C8orf34: variants seen among roughly 807,000 people sequenced by gnomAD.
C8orf34 encodes uncharacterized protein C8orf34.
Under a neutral mutation model 68.3 loss-of-function variants are expected in C8orf34, and 65 were observed. The ratio of observed to expected loss-of-function variants is 0.95; its 90% CI spans 0.78 to 1.17. The LOEUF (loss-of-function observed/expected upper bound fraction) is 1.17, where lower values mean the gene tolerates loss of function less well. Among genes scored for constraint, C8orf34 ranks in the 50% most tolerant of loss-of-function variants. C8orf34 has a pLI of 0.00. For synonymous variants in C8orf34, 244 were observed against 241.2 expected, an observed-to-expected ratio of 1.01 and a Z score of -0.11; for missense variants, 664 against 655.4, an observed-to-expected ratio of 1.01 and a Z score of -0.14.
At chr8:68,772,868 TTTCCTTCC>T (rs370121635) in intron 10 of C8orf34, among the ~76,000 whole-genome samples, 18 of 150,388 alleles carry the variant, frequency 1.2e-4, no homozygotes, top group Non-Finnish European at 2.2e-4. Context: ...TCCTTCCTTC[TTTCCTTCC>T]TTCCTTCCTT....
intron 10 of C8orf34, among the ~76,000 whole-genome samples, chr8:68,764,239 C>T (rs1823105585): frequency 6.6e-6 from 1 of 152,146 alleles, no homozygotes; most frequent in Non-Finnish European, 1.5e-5. Flanking sequence ...CTTTTTTCTG[C>T]CAAATTCTGG....
intron 1 of C8orf34, among the ~76,000 whole-genome samples, chr8:68,379,426 A>C (rs984344551): frequency 1.3e-5 from 2 of 152,230 alleles, no homozygotes; most frequent in African/African-American, 4.8e-5. Context: ...CTACAGGTAC[A>C]TTAACCAAGC....
chr8:68,678,000 C>G (rs1186223080), intron 8 of C8orf34, among the ~76,000 whole-genome samples: 1 of 152,062 alleles, frequency 6.6e-6, no homozygotes, highest in Non-Finnish European at 1.5e-5. Context: ...GGATAAACTC[C>G]TAGACACATA....
intron 7 of C8orf34, among the ~76,000 whole-genome samples, chr8:68,607,968 G>A (rs1397601906): frequency 2.6e-5 from 4 of 152,208 alleles, no homozygotes; most frequent in East Asian, 1.9e-4. Context: ...AGAGAGGCCA[G>A]TGAAGTTCCT....
intron 7 of C8orf34, among the ~76,000 whole-genome samples, chr8:68,636,468 C>G (rs140849725): frequency 1.5e-3 from 224 of 151,892 alleles, no homozygotes; most frequent in African/African-American, 5.2e-3. Flanking sequence ...GCTTGTAATC[C>G]CAGCTACTTA....
At chr8:68,492,019 A>C (rs1241547614) in intron 5 of C8orf34, among the ~76,000 whole-genome samples, 1 of 152,072 alleles carries the variant, frequency 6.6e-6, no homozygotes, top group African/African-American at 2.4e-5. Flanking sequence ...TTCTTTCCTC[A>C]TCTTCTCCTG....
Position 68,434,102 on chromosome 8 carries a change from G to T in C8orf34, c.328-5397G>T, listed in dbSNP as rs77856695. ...AAGTTCTTTTCAAAATTTGTAAAAA[G>T]GAATTTTGTCTTTGTATGCATTTCT... On this transcript the variant is annotated intron_variant, in intron 1 of 13. Transcript: ENST00000518698. Among the ~76,000 whole-genome samples the T allele has an allele frequency of 6.8e-3, 1,041 of 152,132 alleles. 36 individuals are homozygous for T. In the East Asian group the frequency reaches 0.11, roughly 15 times the overall value.
At chr8:68,580,757 A>C (rs1479902781) in intron 7 of C8orf34, among the ~76,000 whole-genome samples, 1 of 152,156 alleles carries the variant, frequency 6.6e-6, no homozygotes, top group Non-Finnish European at 1.5e-5. Flanking sequence ...TATGAAGTAT[A>C]ATATTCTCCA....
intron 7 of C8orf34, among the ~76,000 whole-genome samples, chr8:68,601,169 T>G (rs1252758217): frequency 6.6e-6 from 1 of 152,202 alleles, no homozygotes; most frequent in East Asian, 1.9e-4. Flanking sequence ...CTCTTTCATG[T>G]GGTGCTTTCA....
chr8:68,742,985 G>C (rs1170393273), intron 10 of C8orf34, among the ~76,000 whole-genome samples: 1 of 152,026 alleles, frequency 6.6e-6, no homozygotes, highest in East Asian at 1.9e-4. Context: ...ACATCTTCCT[G>C]TCTTCCCCTG....
At chr8:68,707,621 G>C (rs886840589) in intron 8 of C8orf34, among the ~76,000 whole-genome samples, 2 of 152,024 alleles carry the variant, frequency 1.3e-5, no homozygotes, top group Non-Finnish European at 2.9e-5. Context: ...TGTCACCCCA[G>C]TTGGAGTGCA....
chr8:68,784,820 G>A (rs986314016), intron 11 of C8orf34, among the ~76,000 whole-genome samples: 1 of 152,060 alleles, frequency 6.6e-6, no homozygotes, highest in African/African-American at 2.4e-5. Flanking sequence ...GTGTGTGTGT[G>A]TGTGTGTTTT....
chr8:68,625,660 G>A, intron 7 of C8orf34: 1 of 700,994 alleles, frequency 1.4e-6, no homozygotes, highest in Non-Finnish European at 2.6e-6. Flanking sequence ...GGAAAGGTAT[G>A]TCATGTGCCT....
At chr8:68,581,652 G>T (rs1178937780) in intron 7 of C8orf34, among the ~76,000 whole-genome samples, 2 of 152,126 alleles carry the variant, frequency 1.3e-5, no homozygotes, top group Non-Finnish European at 2.9e-5. Flanking sequence ...TGAAGCTTCT[G>T]CTATGATCAG....
intron 8 of C8orf34, among the ~76,000 whole-genome samples, chr8:68,689,043 C>T (rs1275516107): frequency 6.6e-6 from 1 of 151,950 alleles, no homozygotes; most frequent in East Asian, 1.9e-4. Context: ...TATAAATACA[C>T]CATGAAATAC....
At chr8:68,657,806 C>T (rs1455236353) in intron 8 of C8orf34, among the ~76,000 whole-genome samples, 1 of 152,102 alleles carries the variant, frequency 6.6e-6, no homozygotes, top group African/African-American at 2.4e-5. Context: ...TCATTGCCTG[C>T]CTGGTTAATA....
intron 8 of C8orf34, among the ~76,000 whole-genome samples, chr8:68,685,325 C>A (rs1006364068): frequency 2.6e-5 from 4 of 151,880 alleles, no homozygotes; most frequent in Admixed American, 6.6e-5. Flanking sequence ...TGATTAAAAA[C>A]AAATAAATAA....
intron 4 of C8orf34, among the ~76,000 whole-genome samples, chr8:68,478,025 C>G (rs1812696964): frequency 6.6e-6 from 1 of 152,124 alleles, no homozygotes; most frequent in African/African-American, 2.4e-5. Context: ...CTCTGACATG[C>G]CCTGGAGACA....
Position 68,468,707 on chromosome 8 carries a change from A to T in C8orf34, c.623A>T (p.Glu208Val), listed in dbSNP as rs1173041673. ...PDSKSLPRSV[E>V]HPKWNWRTKP... ...TTAAACATAGTGCCAAGGTCAGTAGAGCATCCAAAGTGGAACTGGAGGACT... is the reference window on the plus strand; with the variant it reads ...TTAAACATAGTGCCAAGGTCAGTAGTGCATCCAAAGTGGAACTGGAGGACT... Residue 208 changes from glutamate to valine, a missense_variant, in exon 4 of 14, where the codon GAG (glutamate) becomes GTG (valine). Physicochemically the swap from Glu to Val is moderately radical, Grantham distance 121. Transcript: ENST00000518698. The T allele has an allele frequency of 6.2e-7, 1 of 1,612,566 alleles. No individual in the cohort carries two copies. The highest frequency in any genetic ancestry group is 8.5e-7 in the Non-Finnish European group (1 of 1,179,182).
Sources: allele counts gnomAD v4.1 joint callset (sites outside exome capture counted in the v4.1 genomes callset), GRCh38; gene constraint gnomAD v4.1.1; transcripts MANE v1.5; gene names NCBI Gene and HGNC (gene_info 2026-07-23, HGNC 2026-07-21).